Variants in GPR83 observed in about 807,000 individuals in gnomAD.
The protein encoded by GPR83 is G protein-coupled receptor 83.
GPR83 carries 23 observed loss-of-function variants against 28.0 expected under a neutral mutation model. That is an observed-to-expected ratio of 0.82 (90% CI 0.59 to 1.16). The LOEUF (loss-of-function observed/expected upper bound fraction) is 1.16. Ranked by LOEUF, GPR83 falls within the 50% of genes most tolerant of loss-of-function variation. The pLI, the probability that GPR83 is intolerant of heterozygous loss-of-function variation, is 0.00. For synonymous variants in GPR83, 234 were observed against 215.4 expected (o/e 1.09, Z -0.76); for missense variants, 610 against 536.6 (o/e 1.14, Z -1.35).
chr11:94,384,890 T>C (rs560293029), intron 3 of GPR83, among the ~76,000 whole-genome samples: 9 of 152,184 alleles, frequency 5.9e-5, no homozygotes, highest in Admixed American at 3.9e-4. Flanking sequence ...TGAGAACGGA[T>C]AGACTGTCCT....
intron 2 of GPR83, among the ~76,000 whole-genome samples, chr11:94,395,096 T>A (rs1944853635): frequency 1.3e-5 from 2 of 152,336 alleles, no homozygotes; most frequent in South Asian, 4.1e-4. Flanking sequence ...AATTCTGGCA[T>A]TTCAGAGATA....
chr11:94,384,118 A>G (rs754986872), intron 3 of GPR83, among the ~76,000 whole-genome samples: 1 of 152,232 alleles, frequency 6.6e-6, no homozygotes, highest in Non-Finnish European at 1.5e-5. Context: ...CCAGTAGCAC[A>G]TCAAAAAGCT....
At chr11:94,388,385 C>T (rs150773302) in intron 3 of GPR83, among the ~76,000 whole-genome samples, 2,816 of 152,286 alleles carry the variant, frequency 0.018, 45 homozygotes, top group Non-Finnish European at 0.031. Flanking sequence ...GTCAAATTGT[C>T]CCTGTTTGCA....
At chr11:94,385,607 G>A (rs1173888208) in intron 3 of GPR83, among the ~76,000 whole-genome samples, 3 of 152,176 alleles carry the variant, frequency 2.0e-5, no homozygotes, top group Non-Finnish European at 4.4e-5. Context: ...AGTGATGGAA[G>A]ATCAAATGAA....
At chr11:94,381,459 C>A (rs891046077) in intron 3 of GPR83, among the ~76,000 whole-genome samples, 1 of 151,972 alleles carries the variant, frequency 6.6e-6, no homozygotes, top group African/African-American at 2.4e-5. Context: ...TGATTCATTT[C>A]AATGTCCTAG....
At chr11:94,390,802 C>T (rs1407602088) in intron 3 of GPR83, among the ~76,000 whole-genome samples, 1 of 152,076 alleles carries the variant, frequency 6.6e-6, no homozygotes, top group South Asian at 2.1e-4. Context: ...AACTACAAAC[C>T]ACTGCTCAAC....
chr11:94,391,001 A>G (rs909440123), intron 3 of GPR83, among the ~76,000 whole-genome samples: 3 of 152,228 alleles, frequency 2.0e-5, no homozygotes, highest in African/African-American at 4.8e-5. Context: ...ACCAAAAAAG[A>G]GCCCGCATTG....
intron 2 of GPR83, among the ~76,000 whole-genome samples, chr11:94,395,923 G>A (rs546612486): frequency 6.6e-6 from 1 of 152,350 alleles, no homozygotes; most frequent in Admixed American, 6.5e-5. Flanking sequence ...TTCTGAGACA[G>A]AAAATGCCAG....
intron 2 of GPR83, among the ~76,000 whole-genome samples, chr11:94,393,914 G>T (rs1302277901): frequency 4.6e-5 from 7 of 152,128 alleles, no homozygotes; most frequent in Non-Finnish European, 1.0e-4. Context: ...GTTCATTATT[G>T]AGCCCCTGAG....
intron 1 of GPR83, among the ~76,000 whole-genome samples, chr11:94,400,214 A>AT (rs2134699003): frequency 1.3e-5 from 2 of 152,266 alleles, no homozygotes; most frequent in African/African-American, 4.8e-5. Flanking sequence ...CTCTGCTGAC[A>AT]TTTCAGGGGC....
intron 2 of GPR83, 100 bp downstream of exon 2, chr11:94,396,299 T>C (rs1378744945): frequency 2.7e-6 from 3 of 1,114,304 alleles, no homozygotes; most frequent in South Asian, 2.7e-5. Flanking sequence ...AACACACTCA[T>C]TGAAAACTGG....
At position 94,393,475 on chromosome 11, in the gene GPR83, T is replaced by C; in HGVS notation, c.647+10A>G. 6.2e-7 allele frequency: 1 copy of C among 1,613,782 alleles called. No homozygotes were observed. Among genetic ancestry groups the C allele is most frequent in the East Asian group, 2.2e-5 (1 of 44,880 alleles). ...AAGTCCCCAGGCAGATCCCAACGAA[T>C]TCATCTCACCTGTATTTGAAGGTAA... On this transcript the variant is annotated intron_variant, in intron 3 of 3. Transcript: ENST00000243673.
intron 3 of GPR83, 35 bp downstream of exon 3, chr11:94,393,450 A>G: frequency 6.2e-7 from 1 of 1,609,012 alleles, no homozygotes; most frequent in Non-Finnish European, 8.5e-7. Flanking sequence ...GAGAAGACAC[A>G]AGTCCCCAGG....
chr11:94,388,474 G>C (rs1391276333), intron 3 of GPR83, among the ~76,000 whole-genome samples: 7 of 152,014 alleles, frequency 4.6e-5, no homozygotes, highest in South Asian at 2.1e-4. Flanking sequence ...CTTCAGCAAA[G>C]TCTCAGGATA....
intron 2 of GPR83, 114 bp from the exon 3 acceptor site, chr11:94,393,732 A>G (rs191122800): frequency 1.1e-6 from 1 of 906,802 alleles, no homozygotes; most frequent in East Asian, 2.4e-5. Context: ...AGTCTGAGGC[A>G]GAAGGATCAC....
chr11:94,381,053 T>A (rs1944681727), intron 3 of GPR83, among the ~76,000 whole-genome samples: 1 of 152,212 alleles, frequency 6.6e-6, no homozygotes, highest in Non-Finnish European at 1.5e-5. Context: ...TACATATTTG[T>A]TGAATAAATG....
chr11:94,389,505 C>A lies in GPR83; in HGVS notation c.647+3980G>T, dbSNP rs148619500. Among the ~76,000 whole-genome samples the A allele has an allele frequency of 1.4e-4, 22 of 152,286 alleles. No homozygotes were observed. In the East Asian group the frequency reaches 3.7e-3, roughly 25 times the overall value. On this transcript the variant is annotated intron_variant, in intron 3 of 3. Coordinates refer to ENST00000243673, the MANE Select transcript of GPR83 (RefSeq NM_016540.4). ...AAAATCAACCCCATCAACAAGTGGG[C>A]GAAGGATATGAACCAACACTTCTCA...
intron 3 of GPR83, among the ~76,000 whole-genome samples, chr11:94,391,504 A>G (rs187945735): frequency 1.3e-5 from 2 of 152,360 alleles, no homozygotes; most frequent in African/African-American, 4.8e-5. Flanking sequence ...TCTACACAGC[A>G]CAAGAAACTA....
chr11:94,388,167 G>A (rs182949016), intron 3 of GPR83, among the ~76,000 whole-genome samples: 2 of 152,096 alleles, frequency 1.3e-5, no homozygotes, highest in Non-Finnish European at 2.9e-5. Flanking sequence ...TTGATGGGAC[G>A]TATCTCAAAA....
Sources: gnomAD v4.1 joint callset for allele counts (sites outside exome capture counted in the v4.1 genomes callset) on GRCh38, gnomAD v4.1.1 for gene constraint, MANE v1.5 for transcripts, NCBI Gene and HGNC (gene_info 2026-07-23, HGNC 2026-07-21) for gene names.